Variants in IPO11 observed in about 807,000 individuals in gnomAD.
IPO11 encodes the protein importin 11, also known as importin-11.
A neutral mutation model predicts 143.2 loss-of-function variants in IPO11; 66 were observed. The ratio of observed to expected loss-of-function variants is 0.46; its 90% CI spans 0.38 to 0.57. IPO11 has a LOEUF of 0.57. IPO11 is among the 20% of genes least tolerant of loss of function. IPO11 has a pLI of 0.00. For missense variants in IPO11, 1,026 were observed against 1,141.0 expected, an observed-to-expected ratio of 0.90 and a Z score of 1.45; for synonymous variants, 385 against 377.8, an observed-to-expected ratio of 1.02 and a Z score of -0.22.
chr5:62,536,730 CTTTAAGA>C lies in IPO11; in HGVS notation c.2120_2126del (p.Phe707SerfsTer19), dbSNP rs1367691265. ...TAAGTTCAGAAAATCTTAGAACTTG[CTTTAAGA>C]TCATCAATGGTTATATCTTTTTATC... On this transcript the variant is annotated frameshift_variant, in exon 23 of 30. Coordinates refer to ENST00000325324, the MANE Select transcript of IPO11 (RefSeq NM_016338.5). LOFTEE classifies it high-confidence loss of function. The C allele has an allele frequency of 6.3e-7, 1 of 1,579,008 alleles. No individual in the cohort carries two copies. The highest frequency in any genetic ancestry group is 1.9e-5 in the Admixed American group (1 of 52,396).
intron 24 of IPO11, among the ~76,000 whole-genome samples, chr5:62,547,218 A>G (rs543410687): frequency 2.6e-4 from 39 of 152,150 alleles, no homozygotes; most frequent in Non-Finnish European, 3.8e-4. Context: ...CATCAGTAAT[A>G]TTGGTATTGT....
chr5:62,504,693 G>A lies in IPO11; in HGVS notation c.1617G>A (p.Leu539=), dbSNP rs1203642240. 1 of 1,481,148 alleles carries A rather than the reference G, an allele frequency of 6.8e-7. No individual in the cohort carries two copies. Among genetic ancestry groups the A allele is most frequent in the Non-Finnish European group, 9.3e-7 (1 of 1,080,530 alleles). 91.8% of individuals were successfully genotyped at this position (1,481,148 alleles called of 1,614,324 possible). A position where few individuals can be genotyped will look rare whatever the true frequency, so the allele number is the denominator to read the frequency against. The change falls in exon 17 of 30, where the codon TTG becomes TTA. Residue 539 remains leucine, a synonymous_variant. Coordinates refer to ENST00000325324, the MANE Select transcript of IPO11 (RefSeq NM_016338.5). ...LVVRIETATT[L]KLTVDDFEFR... is the part of the protein sequence containing the mutation. ...TCCGTATTGAAACAGCTACAACTTTGAAGTTAAATATCCTTCTGAAAATTT... is the reference window on the plus strand; with the variant it reads ...TCCGTATTGAAACAGCTACAACTTTAAAGTTAAATATCCTTCTGAAAATTT...
At position 62,567,497 on chromosome 5, in the gene IPO11, T is replaced by TA. The variant is rs200339528; in HGVS notation, c.2582+6240_2582+6241insA. On this transcript the variant is annotated intron_variant, in intron 27 of 29. Transcript: ENST00000325324. ...CTATTATTATTATTATTATTATTAT[T>TA]TTTTTTACTATTTCTACCCTTTTTT... is the stretch of plus-strand genomic sequence containing the variant. Among the ~76,000 whole-genome samples, 198 of 137,794 alleles carry TA rather than the reference T, an allele frequency of 1.4e-3. 2 individuals carry two copies. Among genetic ancestry groups the TA allele is most frequent in the African/African-American group, 3.2e-3 (125 of 38,950 alleles). The allele number at this position is 137,794 out of a possible 152,430, so 90.4% of individuals were successfully genotyped here.
At chr5:62,594,317 T>C (rs915608737) in intron 28 of IPO11, among the ~76,000 whole-genome samples, 3 of 152,218 alleles carry the variant, frequency 2.0e-5, no homozygotes, top group African/African-American at 7.2e-5. Context: ...GGTATAAATC[T>C]GATCATGTCC....
At chr5:62,530,907 G>T in intron 22 of IPO11, 122 bp downstream of exon 22, 1 of 712,662 alleles carries the variant, frequency 1.4e-6, no homozygotes, top group South Asian at 1.7e-5. Flanking sequence ...TAGATTCAGG[G>T]GATATATGTA....
intron 26 of IPO11, among the ~76,000 whole-genome samples, chr5:62,556,645 G>C (rs1187796021): frequency 2.0e-5 from 3 of 152,026 alleles, no homozygotes; most frequent in Non-Finnish European, 4.4e-5. Context: ...ACTCCAGACT[G>C]GGCAGCAGAA....
chr5:62,587,813 G>C (rs1744851297), intron 27 of IPO11, among the ~76,000 whole-genome samples: 1 of 152,186 alleles, frequency 6.6e-6, no homozygotes, highest in Admixed American at 6.5e-5. Flanking sequence ...GATAAGGCAA[G>C]TGAGGCACAG....
intron 9 of IPO11, among the ~76,000 whole-genome samples, chr5:62,479,250 T>C (rs1746092907): frequency 6.6e-6 from 1 of 152,202 alleles, no homozygotes; most frequent in African/African-American, 2.4e-5. Flanking sequence ...TCCATGTCCC[T>C]ACAAAAGGAC....
At chr5:62,569,855 T>G (rs1744076161) in intron 27 of IPO11, among the ~76,000 whole-genome samples, 1 of 152,242 alleles carries the variant, frequency 6.6e-6, no homozygotes, top group African/African-American at 2.4e-5. Context: ...AATCTTTACA[T>G]TATGTATGTT....
At chr5:62,581,044 A>T in intron 27 of IPO11, 2 of 1,550,868 alleles carry the variant, frequency 1.3e-6, no homozygotes, top group Non-Finnish European at 8.7e-7. Context: ...AGCTTTTTTC[A>T]TCTTAGCTTG....
rs115527992 is a variant in IPO11 at position 62,574,298 on chromosome 5, C to G, written c.2582+13041C>G. On this transcript the variant is annotated intron_variant, in intron 27 of 29. Coordinates refer to ENST00000325324, the MANE Select transcript of IPO11 (RefSeq NM_016338.5). ...TCTGTTAGGCTAATTACTCCCTCCTCTCTTCTTCTGGTGCATGTGCGTGTG... is the reference window on the plus strand; with the variant it reads ...TCTGTTAGGCTAATTACTCCCTCCTGTCTTCTTCTGGTGCATGTGCGTGTG... Among the ~76,000 whole-genome samples the G allele has an allele frequency of 4.4e-3, 671 of 152,262 alleles. 7 individuals are homozygous for G. The highest frequency in any genetic ancestry group is 0.016 in the African/African-American group (647 of 41,546).
In IPO11 at chr5:62,627,165, G is replaced by A; in HGVS notation, c.2775G>A (p.Lys925=). ...TCTGTATCCCACAGCTGGCCCTGAA[G>A]GACCCTGTTCATACAGTGTCACTGC... The part of the protein sequence containing the change: ...QDKRKKMLAL[K]DPVHTVSLQQ... The change falls in exon 30 of 30, where the codon AAG becomes AAA. Residue 925 remains lysine (K), a synonymous_variant. Coordinates refer to ENST00000325324, the MANE Select transcript of IPO11 (RefSeq NM_016338.5). 1 of 1,612,822 alleles carries A rather than the reference G, an allele frequency of 6.2e-7. No homozygotes were observed. The highest frequency in any genetic ancestry group is 1.1e-5 in the South Asian group (1 of 90,818).
chr5:62,573,806 G>A (rs541761084), intron 27 of IPO11, among the ~76,000 whole-genome samples: 3 of 152,298 alleles, frequency 2.0e-5, no homozygotes, highest in East Asian at 3.9e-4. Flanking sequence ...ATAGTATTGT[G>A]TGGAGCCTTG....
At chr5:62,571,350 T>C (rs921214740) in intron 27 of IPO11, among the ~76,000 whole-genome samples, 32 of 152,214 alleles carry the variant, frequency 2.1e-4, no homozygotes, top group Non-Finnish European at 3.8e-4. Flanking sequence ...TTTTCTCATA[T>C]TTCAAATGGA....
chr5:62,424,813 T>C, intron 1 of IPO11, among the ~76,000 whole-genome samples: 1 of 152,164 alleles, frequency 6.6e-6, no homozygotes, highest in East Asian at 1.9e-4. Flanking sequence ...CCTTTACTCC[T>C]GTCACTCTTG....
intron 3 of IPO11, among the ~76,000 whole-genome samples, chr5:62,448,909 G>T (rs1413738049): frequency 1.3e-5 from 2 of 152,014 alleles, no homozygotes; most frequent in African/African-American, 4.8e-5. Context: ...CGTTAATTCT[G>T]TGTAATCCCT....
At chr5:62,570,642 C>T (rs932211693) in intron 27 of IPO11, among the ~76,000 whole-genome samples, 2 of 152,206 alleles carry the variant, frequency 1.3e-5, no homozygotes, top group African/African-American at 4.8e-5. Context: ...CATCTCCTGT[C>T]CTGACTATTT....
intron 1 of IPO11, among the ~76,000 whole-genome samples, chr5:62,425,902 G>A (rs1013743306): frequency 1.3e-5 from 2 of 152,114 alleles, no homozygotes; most frequent in African/African-American, 2.4e-5. Context: ...TTAAACTATC[G>A]TCTTTATAAA....
chr5:62,623,122 T>C (rs1458022506), intron 29 of IPO11, among the ~76,000 whole-genome samples: 1 of 152,244 alleles, frequency 6.6e-6, no homozygotes, highest in East Asian at 1.9e-4. Context: ...AATTGACAGT[T>C]ATCTGCAGCA....
Sources: allele counts gnomAD v4.1 joint callset (sites outside exome capture counted in the v4.1 genomes callset), GRCh38; gene constraint gnomAD v4.1.1; transcripts MANE v1.5; gene names NCBI Gene and HGNC (gene_info 2026-07-23, HGNC 2026-07-21).